ADGRB3: variants seen among roughly 807,000 people sequenced by gnomAD.
The protein encoded by ADGRB3 is adhesion G protein-coupled receptor B3.
A neutral mutation model predicts 193.4 loss-of-function variants in ADGRB3; 37 were observed. That is an observed-to-expected ratio of 0.19 (90% CI 0.15 to 0.25). The LOEUF (loss-of-function observed/expected upper bound fraction) is 0.25, where lower values mean the gene tolerates loss of function less well. ADGRB3 is among the 10% of genes least tolerant of loss of function. ADGRB3 has a pLI of 1.00. For synonymous variants in ADGRB3, 690 were observed against 644.2 expected (o/e 1.07, Z -1.08); for missense variants, 1,637 against 1,852.9 (o/e 0.88, Z 2.14).
chr6:68,943,858 A>G lies in ADGRB3; in HGVS notation c.1059A>G (p.Pro353=), dbSNP rs1238552624. Residue 353 remains proline, a synonymous_variant, in exon 6 of 32, where the codon CCA becomes CCG. Coordinates refer to ENST00000370598, the MANE Select transcript of ADGRB3 (RefSeq NM_001704.3). ...ACGGAGTATGGGAGGAATGGTCACCATGGAGTTTATGTTCATTTACATGTG... is the reference window on the plus strand; with the variant it reads ...ACGGAGTATGGGAGGAATGGTCACCGTGGAGTTTATGTTCATTTACATGTG... ...PVHGVWEEWS[P]WSLCSFTCGR... The G allele has an allele frequency of 1.9e-6, 3 of 1,613,464 alleles. No individual in the cohort carries two copies. Among genetic ancestry groups the G allele is most frequent in the African/African-American group, 2.7e-5 (2 of 74,910 alleles).
At chr6:68,937,851 C>T (rs149899474) in intron 5 of ADGRB3, among the ~76,000 whole-genome samples, 9 of 152,150 alleles carry the variant, frequency 5.9e-5, no homozygotes, top group Middle Eastern at 3.4e-3. Flanking sequence ...TGTTTCACAA[C>T]ATTATGAATA....
chr6:68,663,232 G>A (rs1768711966), intron 3 of ADGRB3, among the ~76,000 whole-genome samples: 1 of 151,312 alleles, frequency 6.6e-6, no homozygotes, highest in Non-Finnish European at 1.5e-5. Flanking sequence ...TATAGTTTGT[G>A]TTCATCATAT....
chr6:68,696,403 A>G (rs1003601327), intron 3 of ADGRB3, among the ~76,000 whole-genome samples: 2 of 151,526 alleles, frequency 1.3e-5, no homozygotes, highest in East Asian at 1.9e-4. Flanking sequence ...TTGAAAATTG[A>G]CATTTGCCAC....
At chr6:68,883,109 T>C (rs1028878212) in intron 3 of ADGRB3, among the ~76,000 whole-genome samples, 2 of 152,152 alleles carry the variant, frequency 1.3e-5, no homozygotes, top group African/African-American at 4.8e-5. Context: ...TTAGCCAGGA[T>C]GGTCTAGCTA....
rs532769214 is a variant in ADGRB3 at position 68,642,126 on chromosome 6, T to C, written c.757+2694T>C. ...GTCAGCAGAGGAATAAATACAAGAT[T>C]ACTCTCCTTTGACTCCCATTTTATT... On this transcript the variant is annotated intron_variant, in intron 3 of 31. Transcript: ENST00000370598. Among the ~76,000 whole-genome samples the C allele has an allele frequency of 1.2e-3, 180 of 152,270 alleles. 1 individual carries two copies. The highest frequency in any genetic ancestry group is 4.2e-3 in the African/African-American group (176 of 41,586).
intron 3 of ADGRB3, among the ~76,000 whole-genome samples, chr6:68,804,510 A>G (rs376101429): frequency 5.3e-5 from 8 of 152,146 alleles, no homozygotes; most frequent in African/African-American, 9.7e-5. Context: ...ATGTTAGTCT[A>G]TATTAATTAA....
chr6:68,803,472 A>G (rs1016147548), intron 3 of ADGRB3, among the ~76,000 whole-genome samples: 1 of 152,078 alleles, frequency 6.6e-6, no homozygotes, highest in Admixed American at 6.6e-5. Flanking sequence ...CTCCAAATAT[A>G]TCCACGTCTT....
chr6:69,082,592 T>C (rs1562151418), intron 17 of ADGRB3, among the ~76,000 whole-genome samples: 3 of 152,160 alleles, frequency 2.0e-5, no homozygotes, highest in Non-Finnish European at 4.4e-5. Context: ...GTTATCGTCA[T>C]TTTTTATTTC....
At chr6:68,795,967 T>A (rs1767199112) in intron 3 of ADGRB3, among the ~76,000 whole-genome samples, 1 of 152,144 alleles carries the variant, frequency 6.6e-6, no homozygotes. Context: ...TCGTAAAATT[T>A]CAGGTTCCAG....
At chr6:69,315,352 T>C (rs1267474413) in intron 20 of ADGRB3, among the ~76,000 whole-genome samples, 1 of 151,538 alleles carries the variant, frequency 6.6e-6, no homozygotes, top group East Asian at 1.9e-4. Context: ...TTAAGCAGAG[T>C]AGGTGCTTAT....
At chr6:68,793,499 T>C (rs1767148342) in intron 3 of ADGRB3, among the ~76,000 whole-genome samples, 1 of 152,144 alleles carries the variant, frequency 6.6e-6, no homozygotes, top group African/African-American at 2.4e-5. Flanking sequence ...TTCATAATTT[T>C]CTTCAAGGTT....
At chr6:68,912,374 T>C (rs1462021023) in intron 3 of ADGRB3, among the ~76,000 whole-genome samples, 1 of 151,868 alleles carries the variant, frequency 6.6e-6, no homozygotes, top group African/African-American at 2.4e-5. Flanking sequence ...TATTTTATTT[T>C]ATTGTTATTA....
intron 17 of ADGRB3, among the ~76,000 whole-genome samples, chr6:69,228,205 C>T (rs1162353765): frequency 7.9e-5 from 12 of 152,096 alleles, no homozygotes; most frequent in South Asian, 2.1e-4. Flanking sequence ...TGCAGTGAGT[C>T]GAGATTGCAC....
chr6:69,262,883 G>C (rs1211175279), intron 20 of ADGRB3, among the ~76,000 whole-genome samples: 1 of 151,870 alleles, frequency 6.6e-6, no homozygotes, highest in East Asian at 1.9e-4. Flanking sequence ...GATCTACTGA[G>C]GGTCTTAAAA....
intron 3 of ADGRB3, among the ~76,000 whole-genome samples, chr6:68,777,683 A>AAAC (rs1766775077): frequency 6.6e-6 from 1 of 151,590 alleles, no homozygotes. Context: ...AAAAAAAAAA[A>AAAC]AAAAACGACT....
At chr6:69,190,385 A>G (rs1183804704) in intron 17 of ADGRB3, among the ~76,000 whole-genome samples, 1 of 152,004 alleles carries the variant, frequency 6.6e-6, no homozygotes, top group Non-Finnish European at 1.5e-5. Context: ...AACAACAAAA[A>G]TTTAAAAATA....
At chr6:69,021,605 C>A (rs183207187) in intron 13 of ADGRB3, among the ~76,000 whole-genome samples, 75 of 151,888 alleles carry the variant, frequency 4.9e-4, no homozygotes, top group African/African-American at 1.8e-3. Context: ...AAAGAAATGA[C>A]ACCTCATGTC....
intron 20 of ADGRB3, among the ~76,000 whole-genome samples, chr6:69,267,179 A>T (rs996064445): frequency 1.3e-5 from 2 of 151,898 alleles, no homozygotes; most frequent in African/African-American, 4.8e-5. Context: ...CAATTTTCAC[A>T]TTTCCCCCTT....
chr6:68,793,240 G>A (rs779065735), intron 3 of ADGRB3, among the ~76,000 whole-genome samples: 20 of 152,000 alleles, frequency 1.3e-4, no homozygotes, highest in Non-Finnish European at 2.5e-4. Flanking sequence ...ACCTTTGTAA[G>A]TTCATATCTA....
Sources: gnomAD v4.1 joint callset for allele counts (sites outside exome capture counted in the v4.1 genomes callset) on GRCh38, gnomAD v4.1.1 for gene constraint, MANE v1.5 for transcripts, NCBI Gene and HGNC (gene_info 2026-07-23, HGNC 2026-07-21) for gene names.